Variants in FGF13 observed in about 807,000 individuals in gnomAD.
The protein encoded by FGF13 is fibroblast growth factor homologous factor 2.
In FGF13, 2 loss-of-function variants were observed where a neutral mutation model predicts 19.5. The ratio of observed to expected loss-of-function variants is 0.10; its 90% CI spans 0.04 to 0.32. The LOEUF (loss-of-function observed/expected upper bound fraction) is 0.32, where lower values mean the gene tolerates loss of function less well. FGF13 is among the 10% of genes least tolerant of loss of function. The probability of loss-of-function intolerance (pLI) is 1.00; values close to 1 mark genes in which losing one functional copy is unlikely to be tolerated. For synonymous variants in FGF13, 72 were observed against 76.9 expected (o/e 0.94, Z 0.33); for missense variants, 113 against 192.7 (o/e 0.59, Z 2.45).
chrX:139,198,640 T>G (rs752419396), intron 1 of FGF13, among the ~76,000 whole-genome samples: 26 of 112,346 alleles, frequency 2.3e-4, no homozygotes, highest in African/African-American at 8.4e-4. Context: ...GACTTAATAT[T>G]TATTACAACT....
At chrX:138,791,886 T>C (rs1160947404) in intron 3 of FGF13, among the ~76,000 whole-genome samples, 1 of 112,216 alleles carries the variant, frequency 8.9e-6, no homozygotes, top group East Asian at 2.8e-4. Context: ...ATCTGTGGTC[T>C]TGATATCAAA....
rs60823558 is a variant in FGF13, at chrX:139,187,613, C to T, written c.-113+15803G>A. On this transcript the variant is annotated intron_variant, in intron 1 of 2. Transcript: ENST00000421460. ...TAGCAGAAAAAAAATAAGTCTTCTA[C>T]TTAAAATCTAATGGGTTTCATTCAT... Among the ~76,000 whole-genome samples the T allele has an allele frequency of 5.7e-3, 636 of 111,899 alleles. 4 individuals are homozygous for T. The highest frequency in any genetic ancestry group is 0.02 in the African/African-American group (611 of 30,766).
intron 1 of FGF13, among the ~76,000 whole-genome samples, chrX:138,721,676 T>G (rs1046254925): frequency 9.0e-6 from 1 of 110,779 alleles, no homozygotes; most frequent in Non-Finnish European, 1.9e-5. Context: ...GGTGCTTCAC[T>G]GATCCCCTCT....
intron 1 of FGF13, among the ~76,000 whole-genome samples, chrX:139,186,556 C>T (rs186717312): frequency 4.8e-4 from 53 of 111,482 alleles, no homozygotes; most frequent in African/African-American, 1.6e-3. Context: ...GGAAACTCTC[C>T]AAAGGCTTTC....
At chrX:138,675,757 A>AT (rs1202696444) in intron 3 of FGF13, among the ~76,000 whole-genome samples, 5 of 111,907 alleles carry the variant, frequency 4.5e-5, no homozygotes, top group Non-Finnish European at 9.4e-5. Flanking sequence ...GAAAATTGAG[A>AT]TAAGTTAGAC....
intron 1 of FGF13, among the ~76,000 whole-genome samples, chrX:139,156,629 C>T (rs10521795): frequency 0.11 from 12,324 of 111,751 alleles, 1,085 homozygotes; most frequent in African/African-American, 0.3. Context: ...TCTCCAACTT[C>T]AGTATGCACA....
At chrX:139,066,727 A>T (rs771989812) in intron 1 of FGF13, among the ~76,000 whole-genome samples, 1 of 111,084 alleles carries the variant, frequency 9.0e-6, no homozygotes, top group Admixed American at 9.6e-5. Flanking sequence ...TTCCTTCTGA[A>T]ACTATTCCAA....
At chrX:138,633,721 C>T (rs988189879) in intron 4 of FGF13, among the ~76,000 whole-genome samples, 1 of 111,252 alleles carries the variant, frequency 9.0e-6, no homozygotes, top group African/African-American at 3.3e-5. Context: ...TGCATTATCC[C>T]ATTTAGTCCC....
At chrX:138,813,339 A>G (rs1488917136) in intron 3 of FGF13, among the ~76,000 whole-genome samples, 1 of 111,449 alleles carries the variant, frequency 9.0e-6, no homozygotes, top group Non-Finnish European at 1.9e-5. Context: ...TTACTGCACC[A>G]ACAGCTTCCT....
intron 1 of FGF13, among the ~76,000 whole-genome samples, chrX:139,184,760 A>C (rs927881221): frequency 8.9e-6 from 1 of 112,330 alleles, no homozygotes; most frequent in Non-Finnish European, 1.9e-5. Context: ...GTATTCAATA[A>C]ATATTTGTTG....
At chrX:139,040,015 T>C (rs987519599) in intron 1 of FGF13, among the ~76,000 whole-genome samples, 2 of 112,348 alleles carry the variant, frequency 1.8e-5, no homozygotes, top group Non-Finnish European at 3.8e-5. Context: ...GTGGTTTGTT[T>C]AATAGTATGG....
At chrX:139,204,677 A>G (rs1171608794), upstream of FGF13, among the ~76,000 whole-genome samples, 1 of 113,219 alleles carries the variant, frequency 8.8e-6, no homozygotes, top group African/African-American at 3.2e-5. Flanking sequence ...ATCAAAACAA[A>G]GATAAAAATA....
At chrX:138,831,107 A>C (rs976452636) in intron 3 of FGF13, among the ~76,000 whole-genome samples, 1 of 111,645 alleles carries the variant, frequency 9.0e-6, no homozygotes, top group African/African-American at 3.3e-5. Flanking sequence ...AGAACGTACA[A>C]GCCATACATG....
chrX:138,664,158 T>C (rs1237225878), intron 3 of FGF13, among the ~76,000 whole-genome samples: 1 of 111,632 alleles, frequency 9.0e-6, no homozygotes, highest in Non-Finnish European at 1.9e-5. Context: ...GGTACAATCT[T>C]CCAGCTGGTG....
intron 1 of FGF13, among the ~76,000 whole-genome samples, chrX:138,735,174 C>CT (rs1206600656): frequency 2.7e-5 from 3 of 112,080 alleles, no homozygotes; most frequent in African/African-American, 9.7e-5. Flanking sequence ...TCTCATTCAG[C>CT]TATGCAGTTA....
intron 1 of FGF13, among the ~76,000 whole-genome samples, chrX:139,151,545 GTAGT>G (rs1238223224): frequency 2.7e-5 from 3 of 112,034 alleles, no homozygotes; most frequent in Admixed American, 9.5e-5. Context: ...ATATCAAGCA[GTAGT>G]TAAATGTTAA....
At chrX:138,710,423 T>C (rs1183194414) in intron 1 of FGF13, among the ~76,000 whole-genome samples, 3 of 111,010 alleles carry the variant, frequency 2.7e-5, no homozygotes, top group African/African-American at 9.8e-5. Context: ...AGAGAGGGAT[T>C]CCCCAGGCTC....
intron 3 of FGF13, among the ~76,000 whole-genome samples, chrX:138,811,661 A>G (rs2090926752): frequency 9.0e-6 from 1 of 111,167 alleles, no homozygotes; most frequent in Non-Finnish European, 1.9e-5. Context: ...CTTTTAAGAT[A>G]GACACTGTAT....
intron 3 of FGF13, among the ~76,000 whole-genome samples, chrX:138,669,821 T>C (rs1396278200): frequency 3.6e-5 from 4 of 111,508 alleles, no homozygotes; most frequent in African/African-American, 1.3e-4. Context: ...AGGTGCTAGA[T>C]ACAAGCTGTA....
Sources: gnomAD v4.1 joint callset for allele counts (sites outside exome capture counted in the v4.1 genomes callset) on GRCh38, gnomAD v4.1.1 for gene constraint, MANE v1.5 for transcripts, NCBI Gene and HGNC (gene_info 2026-07-23, HGNC 2026-07-21) for gene names.